The following TOMM40L variants were observed in gnomAD, a reference collection of about 807,000 sequenced individuals.
The protein encoded by TOMM40L is mitochondrial import receptor subunit TOM40B.
A neutral mutation model predicts 38.3 loss-of-function variants in TOMM40L; 17 were observed. The observed-to-expected ratio is 0.44, with a 90% CI of 0.30 to 0.67. The LOEUF (loss-of-function observed/expected upper bound fraction) is 0.67. TOMM40L is among the 30% of genes least tolerant of loss of function. The pLI, the probability that TOMM40L is intolerant of heterozygous loss-of-function variation, is 0.08. For synonymous variants in TOMM40L, 151 were observed against 150.2 expected (o/e 1.01, Z -0.04); for missense variants, 294 against 390.0 (o/e 0.75, Z 2.07).
chr1:161,227,863 C>T, intron 5 of TOMM40L, 21 bp from the exon 6 acceptor site: 1 of 1,613,358 alleles, frequency 6.2e-7, no homozygotes, highest in East Asian at 2.2e-5. Flanking sequence ...GGAGATTTTA[C>T]TTCTTGCTCT....
Position 161,229,591 on chromosome 1 carries a change from A to G in TOMM40L, c.*496A>G. 1 of 1,564,840 alleles carries G rather than the reference A, an allele frequency of 6.4e-7. No individual in the cohort carries two copies. The highest frequency in any genetic ancestry group is 1.2e-5 in the South Asian group (1 of 86,392). ...TTAGCCCTGAGGTTTCCTCCTTCCC[A>G]TCTTCTGTGCTTCCAGAGAACAACT... On this transcript the variant is annotated 3_prime_UTR_variant, in exon 10 of 10. Coordinates refer to ENST00000367988, the MANE Select transcript of TOMM40L (RefSeq NM_032174.6).
rs771091045 is a variant in TOMM40L, at chr1:161,229,747, AG to A, written c.*653del. On this transcript the variant is annotated 3_prime_UTR_variant, in exon 10 of 10. Coordinates refer to ENST00000367988, the MANE Select transcript of TOMM40L (RefSeq NM_032174.6). ...TTTGGTCCCAGCATTTTCCCACTCC[AG>A]TGTATCCAGGGTGTTCCAGGTGAGC... 4 of 1,614,134 alleles carry A rather than the reference AG, an allele frequency of 2.5e-6. No homozygotes were observed. The highest frequency in any genetic ancestry group is 1.1e-5 in the South Asian group (1 of 91,088).
chr1:161,229,690 A>G lies in TOMM40L; in HGVS notation c.*595A>G, dbSNP rs773748252. On this transcript the variant is annotated 3_prime_UTR_variant, in exon 10 of 10. Coordinates refer to ENST00000367988, the MANE Select transcript of TOMM40L (RefSeq NM_032174.6). ...GTTATTGCTTTAGTCTTTCATTGCAACCACTGGGCTCCCTTTGAACCCGGC... is the reference window on the plus strand; with the variant it reads ...GTTATTGCTTTAGTCTTTCATTGCAGCCACTGGGCTCCCTTTGAACCCGGC... 43 of 1,614,078 alleles carry G rather than the reference A, an allele frequency of 2.7e-5. No individual in the cohort carries two copies. Among genetic ancestry groups the G allele is most frequent in the Middle Eastern group, 3.3e-4 (2 of 6,026 alleles).
At chr1:161,227,842 TA>T (rs774683347) in intron 5 of TOMM40L, 41 bp from the exon 6 acceptor site, 1 of 1,607,994 alleles carries the variant, frequency 6.2e-7, no homozygotes, top group Non-Finnish European at 8.5e-7. Context: ...ATAATGATCA[TA>T]AAGAGGGAGG....
rs540110372 is a variant in TOMM40L at position 161,226,264 on chromosome 1, C to A, written c.-135-91C>A. ...AGAAAGGGAGAGAGGACAAGGGTGA[C>A]AAGTGGGGGTGAGAGATCAAAGATG... On this transcript the variant is annotated intron_variant, in intron 1 of 9. Coordinates refer to ENST00000367988, the MANE Select transcript of TOMM40L (RefSeq NM_032174.6). 2.7e-5 allele frequency: 14 copies of A among 528,146 alleles called. No individual in the cohort carries two copies. In the South Asian group the frequency reaches 3.2e-4, roughly 12 times the overall value. 32.7% of individuals were successfully genotyped at this position (528,146 alleles called of 1,614,324 possible).
Position 161,228,790 on chromosome 1 carries a change from C to T in TOMM40L, c.760C>T (p.Leu254=), listed in dbSNP as rs774616533. The T allele has an allele frequency of 1.1e-5, 18 of 1,614,038 alleles. No individual in the cohort carries two copies. In the South Asian group the frequency reaches 2.0e-4, roughly 18 times the overall value. The change falls in exon 9 of 10, where the codon CTG becomes TTG. Residue 254 remains leucine (L), a synonymous_variant. Coordinates refer to ENST00000367988, the MANE Select transcript of TOMM40L (RefSeq NM_032174.6). ...ATTCTCCTTTGGTTACCACCTGACT[C>T]TGCCCCAGGCCAACATGGTATTTAG... is the stretch of plus-strand genomic sequence containing the variant. ...TTFSFGYHLT[L]PQANMVFRGL...
rs1666476854 is a variant in TOMM40L, at chr1:161,228,007, G to A, written c.484+18G>A. ...GGAGTCGGGTGAGGAACTGGGACAGGGTTCTTTTTATCTTGGCGGCCCATT... is the reference window on the plus strand; with the variant it reads ...GGAGTCGGGTGAGGAACTGGGACAGAGTTCTTTTTATCTTGGCGGCCCATT... On this transcript the variant is annotated intron_variant, in intron 6 of 9. Transcript: ENST00000367988. 6.2e-7 allele frequency: 1 copy of A among 1,612,562 alleles called. No homozygotes were observed. The highest frequency in any genetic ancestry group is 1.3e-5 in the African/African-American group (1 of 74,836).
At chr1:161,227,835 A>C in intron 5 of TOMM40L, 49 bp from the exon 6 acceptor site, 1 of 1,606,688 alleles carries the variant, frequency 6.2e-7, no homozygotes, top group Non-Finnish European at 8.5e-7. Context: ...AGAGTCTATA[A>C]TGATCATAAA....
Position 161,229,469 on chromosome 1 carries a change from C to G in TOMM40L, c.*374C>G. The G allele has an allele frequency of 1.4e-6, 1 of 698,190 alleles. No individual in the cohort carries two copies. The highest frequency in any genetic ancestry group is 2.4e-6 in the Non-Finnish European group (1 of 424,764). 43.2% of individuals were successfully genotyped at this position (698,190 alleles called of 1,614,324 possible). ...TAGCTGACCATCCTGTTTTCCATCCCAGAGCCTCCCAAGGCTGGGAAAGTA... is the reference window on the plus strand; with the variant it reads ...TAGCTGACCATCCTGTTTTCCATCCGAGAGCCTCCCAAGGCTGGGAAAGTA... On this transcript the variant is annotated 3_prime_UTR_variant, in exon 10 of 10. Transcript: ENST00000367988.
At chr1:161,226,625 T>C (rs531358307) in intron 2 of TOMM40L, 21 bp downstream of exon 2, 3 of 1,607,138 alleles carry the variant, frequency 1.9e-6, no homozygotes, top group South Asian at 2.2e-5. Context: ...GGCACTTGGG[T>C]GTCTCAGGAT....
intron 2 of TOMM40L, 91 bp downstream of exon 2, chr1:161,226,695 G>C: frequency 7.1e-7 from 1 of 1,405,806 alleles, no homozygotes; most frequent in Non-Finnish European, 9.9e-7. Context: ...GAGCAGGAAA[G>C]GGGAGATCAT....
chr1:161,230,047 G>A lies in TOMM40L; in HGVS notation c.*952G>A. Reference sequence around the variant, plus strand: ...AGTGAAGCCAGGTCTGAACATTAGAGAAAATCATGCTCTGGTATGACAGAC... The same window carrying A: ...AGTGAAGCCAGGTCTGAACATTAGAAAAAATCATGCTCTGGTATGACAGAC... On this transcript the variant is annotated 3_prime_UTR_variant, in exon 10 of 10. Coordinates refer to ENST00000367988, the MANE Select transcript of TOMM40L (RefSeq NM_032174.6). 8.2e-7 allele frequency: 1 copy of A among 1,213,316 alleles called. No homozygotes were observed. The highest frequency in any genetic ancestry group is 1.5e-5 in the African/African-American group (1 of 65,936). The allele number at this position is 1,213,316 out of a possible 1,614,324, so 75.2% of individuals were successfully genotyped here. A position where few individuals can be genotyped will look rare whatever the true frequency, so the allele number is the denominator to read the frequency against.
In TOMM40L at chr1:161,229,518, T is replaced by G; in HGVS notation, c.*423T>G. Reference sequence around the variant, plus strand: ...TAGGGCTGAAGGGCTAGATGTTTGGTCTCAGGAAGTGGGGCCCACCCATTC... The same window carrying G: ...TAGGGCTGAAGGGCTAGATGTTTGGGCTCAGGAAGTGGGGCCCACCCATTC... On this transcript the variant is annotated 3_prime_UTR_variant, in exon 10 of 10. Transcript: ENST00000367988. The G allele has an allele frequency of 1.0e-6, 1 of 955,358 alleles. No homozygotes were observed. The highest frequency in any genetic ancestry group is 1.6e-6 in the Non-Finnish European group (1 of 643,300). The allele number at this position is 955,358 out of a possible 1,614,324, so 59.2% of individuals were successfully genotyped here.
At chr1:161,228,059 T>C (rs1009290337) in intron 6 of TOMM40L, 70 bp downstream of exon 6, 82 of 1,600,182 alleles carry the variant, frequency 5.1e-5, no homozygotes, top group Non-Finnish European at 7.0e-5. Flanking sequence ...CCTCTTCATC[T>C]TCTGTACAGT....
At position 161,227,888 on chromosome 1, in the gene TOMM40L, A is replaced by T; in HGVS notation, c.383A>T (p.Gln128Leu). 6.2e-7 allele frequency: 1 copy of T among 1,614,168 alleles called. No individual in the cohort carries two copies. The highest frequency in any genetic ancestry group is 8.5e-7 in the Non-Finnish European group (1 of 1,180,014). Residue 128 changes from glutamine (Q) to leucine (L), a missense_variant, in exon 6 of 10, where the codon CAG (glutamine) becomes CTG (leucine). Physicochemically the swap from Gln to Leu is moderately radical, Grantham distance 113. Coordinates refer to ENST00000367988, the MANE Select transcript of TOMM40L (RefSeq NM_032174.6). The stretch of plus-strand genomic sequence containing the variant: ...CTTCTTGCTCTTGCCACCCAGACGC[A>T]GCAGGCCAAGTTCCTGACATGGCAG... ...RLRAKAVFQT[Q>L]QAKFLTWQFD...
intron 6 of TOMM40L, 95 bp from the exon 7 acceptor site, chr1:161,228,091 T>TCTTG: frequency 6.3e-7 from 1 of 1,589,178 alleles, no homozygotes; most frequent in Non-Finnish European, 8.6e-7. Context: ...AAAAGGAACT[T>TCTTG]CTTGGGCAGG....
At chr1:161,228,642 C>G in intron 8 of TOMM40L, 73 bp from the exon 9 acceptor site, 1 of 1,579,452 alleles carries the variant, frequency 6.3e-7, no homozygotes, top group South Asian at 1.1e-5. Context: ...CTCCATTCTG[C>G]TGATTCCCCA....
rs921897699 is a variant in TOMM40L, at chr1:161,228,447, A to G, written c.627A>G (p.Thr209=). ...TTACAGCTGTACACTGGGTAGCTACATTGAATGTGGGATCAGGCGGGGCCC... is the reference window on the plus strand; with the variant it reads ...TTACAGCTGTACACTGGGTAGCTACGTTGAATGTGGGATCAGGCGGGGCCC... ...GKYSAVHWVA[T]LNVGSGGAHA... The change falls in exon 8 of 10, where the codon ACA becomes ACG. Residue 209 remains threonine, a synonymous_variant. Coordinates refer to ENST00000367988, the MANE Select transcript of TOMM40L (RefSeq NM_032174.6). 4 of 1,613,908 alleles carry G rather than the reference A, an allele frequency of 2.5e-6. No individual in the cohort carries two copies. In the African/African-American group the frequency reaches 5.3e-5, roughly 22 times the overall value.
In TOMM40L at chr1:161,229,191, G is replaced by C; in HGVS notation, c.*96G>C. The C allele has an allele frequency of 6.4e-7, 1 of 1,569,510 alleles. No individual in the cohort carries two copies. The highest frequency in any genetic ancestry group is 1.1e-5 in the South Asian group (1 of 87,608). On this transcript the variant is annotated 3_prime_UTR_variant, in exon 10 of 10. Coordinates refer to ENST00000367988, the MANE Select transcript of TOMM40L (RefSeq NM_032174.6). Reference sequence around the variant, plus strand: ...CCCTCTTCAGAGCCCACCTTGCTGGGTGATCTCTAGGACCCAGGAGCAGAG... The same window carrying C: ...CCCTCTTCAGAGCCCACCTTGCTGGCTGATCTCTAGGACCCAGGAGCAGAG...
Sources: gnomAD v4.1 joint callset for allele counts on GRCh38, gnomAD v4.1.1 for gene constraint, MANE v1.5 for transcripts, NCBI Gene and HGNC (gene_info 2026-07-23, HGNC 2026-07-21) for gene names.